The following ESRRG variants were observed in gnomAD, a reference collection of about 807,000 sequenced individuals.
ESRRG encodes estrogen related receptor gamma.
ESRRG carries 13 observed loss-of-function variants against 44.0 expected under a neutral mutation model. The ratio of observed to expected loss-of-function variants is 0.30; its 90% CI spans 0.19 to 0.47. The LOEUF (loss-of-function observed/expected upper bound fraction) is 0.47. ESRRG is among the 20% of genes least tolerant of loss of function. The pLI is 1.00. For missense variants in ESRRG, 395 were observed against 580.6 expected, an observed-to-expected ratio of 0.68 and a Z score of 3.29; for synonymous variants, 215 against 214.6, an observed-to-expected ratio of 1.00 and a Z score of -0.02.
intron 2 of ESRRG, among the ~76,000 whole-genome samples, chr1:216,737,011 A>C (rs2090035861): frequency 6.6e-6 from 1 of 152,218 alleles, no homozygotes; most frequent in Non-Finnish European, 1.5e-5. Flanking sequence ...TTTAAACTTC[A>C]TGTTTCAACA....
chr1:216,993,421 T>C (rs979104971), intron 1 of ESRRG, among the ~76,000 whole-genome samples: 1 of 152,192 alleles, frequency 6.6e-6, no homozygotes, highest in African/African-American at 2.4e-5. Context: ...TTAATCATTT[T>C]CCATGCTACT....
rs779496209 is a variant in ESRRG, at chr1:216,516,636, T to TACACACACACAC, written c.1132+2504_1132+2515dup. ...TCTGGAATTCCTAAACACACACACA[T>TACACACACACAC]ACACACACACACACACACACACACA... On this transcript the variant is annotated intron_variant, in intron 6 of 6. Coordinates refer to ENST00000408911, the MANE Select transcript of ESRRG (RefSeq NM_001438.4). Among the ~76,000 whole-genome samples the TACACACACACAC allele has an allele frequency of 4.7e-3, 610 of 130,424 alleles. 18 individuals are homozygous for TACACACACACAC. The highest frequency in any genetic ancestry group is 0.02 in the Admixed American group (237 of 12,130). The allele number at this position is 130,424 out of a possible 152,430, so 85.6% of individuals were successfully genotyped here. A position where few individuals can be genotyped will look rare whatever the true frequency, so the allele number is the denominator to read the frequency against.
chr1:216,625,387 T>A (rs2063000026), intron 3 of ESRRG, among the ~76,000 whole-genome samples: 1 of 139,396 alleles, frequency 7.2e-6, no homozygotes, highest in Non-Finnish European at 1.5e-5. Flanking sequence ...TTGTCCTCAC[T>A]TTACTTATGA....
chr1:216,573,823 G>A (rs2061251067), intron 3 of ESRRG, among the ~76,000 whole-genome samples: 1 of 151,908 alleles, frequency 6.6e-6, no homozygotes, highest in Middle Eastern at 3.4e-3. Flanking sequence ...GTTAAATAGA[G>A]AATTCATAAT....
chr1:216,690,452 T>C (rs1041506601), intron 1 of ESRRG, among the ~76,000 whole-genome samples: 3 of 152,060 alleles, frequency 2.0e-5, no homozygotes, highest in African/African-American at 7.2e-5. Flanking sequence ...AAACTAATCA[T>C]CATAATAGAA....
intron 3 of ESRRG, among the ~76,000 whole-genome samples, chr1:216,619,803 G>T (rs533225347): frequency 6.6e-6 from 1 of 152,066 alleles, no homozygotes; most frequent in Admixed American, 6.6e-5. Flanking sequence ...AATAATCCAC[G>T]GAGTACACCC....
chr1:216,577,802 AG>A (rs2061971932), intron 3 of ESRRG, among the ~76,000 whole-genome samples: 1 of 152,090 alleles, frequency 6.6e-6, no homozygotes, highest in Non-Finnish European at 1.5e-5. Context: ...TAGATGGCAG[AG>A]AAAGGTGCCA....
chr1:216,717,421 G>T (rs928707351), intron 1 of ESRRG, among the ~76,000 whole-genome samples: 1 of 151,902 alleles, frequency 6.6e-6, no homozygotes, highest in South Asian at 2.1e-4. Flanking sequence ...AGAATAAAAG[G>T]CCAGGTAAAT....
chr1:216,708,856 C>T (rs1033997491), intron 1 of ESRRG, among the ~76,000 whole-genome samples: 1 of 152,070 alleles, frequency 6.6e-6, no homozygotes, highest in Non-Finnish European at 1.5e-5. Context: ...AAATGTGGCA[C>T]ATATACACCA....
chr1:216,579,403 T>C lies in ESRRG; in HGVS notation c.590-11305A>G, dbSNP rs575608641. Among the ~76,000 whole-genome samples, 4 of 152,246 alleles carry C rather than the reference T, an allele frequency of 2.6e-5. No individual in the cohort carries two copies. In the East Asian group the frequency reaches 7.7e-4, roughly 29 times the overall value. ...TCCATCTAAACATACCAAAATTTTT[T>C]GTCAAAGAAATTAACAGTTGGGAAA... On this transcript the variant is annotated intron_variant, in intron 3 of 6. Transcript: ENST00000408911.
At chr1:216,932,727 T>TTTG (rs2063542046) in intron 2 of ESRRG, among the ~76,000 whole-genome samples, 1 of 145,220 alleles carries the variant, frequency 6.9e-6, no homozygotes, top group African/African-American at 2.5e-5. Flanking sequence ...TTGTTTTTTT[T>TTTG]TTTTTTTTTT....
chr1:216,751,021 A>T (rs1023041818), intron 2 of ESRRG, among the ~76,000 whole-genome samples: 2 of 152,208 alleles, frequency 1.3e-5, no homozygotes, highest in African/African-American at 4.8e-5. Flanking sequence ...CGCTCTCATC[A>T]TCTACCCTTT....
intron 2 of ESRRG, among the ~76,000 whole-genome samples, chr1:216,925,219 A>C (rs565575429): frequency 7.2e-5 from 11 of 151,830 alleles, no homozygotes; most frequent in African/African-American, 2.2e-4. Flanking sequence ...CGGGCAGATC[A>C]TGAGGCCAGG....
intron 5 of ESRRG, among the ~76,000 whole-genome samples, chr1:216,525,313 G>T (rs1207335019): frequency 6.6e-6 from 1 of 152,134 alleles, no homozygotes; most frequent in Non-Finnish European, 1.5e-5. Context: ...TCTACACGGA[G>T]TGTGCAGTTC....
intron 1 of ESRRG, among the ~76,000 whole-genome samples, chr1:216,688,308 T>C (rs571467315): frequency 6.6e-6 from 1 of 152,190 alleles, no homozygotes; most frequent in African/African-American, 2.4e-5. Flanking sequence ...GACAGGATTG[T>C]TGTGATTTAT....
chr1:216,715,731 A>G (rs1045418246), intron 1 of ESRRG, among the ~76,000 whole-genome samples: 1 of 152,146 alleles, frequency 6.6e-6, no homozygotes, highest in African/African-American at 2.4e-5. Flanking sequence ...ATAAGTTCTT[A>G]TAAATATTGT....
intron 2 of ESRRG, among the ~76,000 whole-genome samples, chr1:216,810,689 T>TA (rs1181588305): frequency 2.3e-5 from 3 of 130,092 alleles, no homozygotes; most frequent in African/African-American, 8.8e-5. Flanking sequence ...AGCTAATTCT[T>TA]AAACAAAAAT....
chr1:217,034,335 T>G (rs1432355130), intron 1 of ESRRG, among the ~76,000 whole-genome samples: 1 of 152,176 alleles, frequency 6.6e-6, no homozygotes, highest in Non-Finnish European at 1.5e-5. Context: ...TATAGCCACA[T>G]TTTTAGGCTG....
chr1:216,642,741 T>C (rs2150929267), intron 3 of ESRRG, among the ~76,000 whole-genome samples: 1 of 152,250 alleles, frequency 6.6e-6, no homozygotes, highest in Middle Eastern at 3.4e-3. Flanking sequence ...GAGCCCAAAT[T>C]TCCCTACCAA....
Sources: gnomAD v4.1 joint callset for allele counts (sites outside exome capture counted in the v4.1 genomes callset) on GRCh38, gnomAD v4.1.1 for gene constraint, MANE v1.5 for transcripts, NCBI Gene and HGNC (gene_info 2026-07-23, HGNC 2026-07-21) for gene names.